The following DOCK4 variants were observed in gnomAD, a reference collection of about 807,000 sequenced individuals.
DOCK4 encodes dedicator of cytokinesis 4, also known as dedicator of cytokinesis protein 4.
Under a neutral mutation model 268.1 loss-of-function variants are expected in DOCK4, and 97 were observed. That is an observed-to-expected ratio of 0.36 (90% CI 0.31 to 0.43). DOCK4 has a LOEUF of 0.43. Among genes scored for constraint, DOCK4 ranks in the 20% least tolerant of loss-of-function variants. The pLI is 1.00. For missense variants in DOCK4, 2,145 were observed against 2,455.7 expected, an observed-to-expected ratio of 0.87 and a Z score of 2.67; for synonymous variants, 954 against 887.2, an observed-to-expected ratio of 1.08 and a Z score of -1.34.
chr7:112,153,571 T>C (rs1446676978), intron 1 of DOCK4, among the ~76,000 whole-genome samples: 1 of 152,196 alleles, frequency 6.6e-6, no homozygotes, highest in Non-Finnish European at 1.5e-5. Flanking sequence ...TTTTCAGCTG[T>C]GTAAAATTTA....
chr7:111,817,815 C>T (rs1801670152), intron 27 of DOCK4, among the ~76,000 whole-genome samples: 1 of 152,166 alleles, frequency 6.6e-6, no homozygotes, highest in African/African-American at 2.4e-5. Flanking sequence ...AGATACAGCC[C>T]TGTTTCTATG....
At chr7:112,136,369 C>T (rs1461755785) in intron 1 of DOCK4, among the ~76,000 whole-genome samples, 2 of 151,916 alleles carry the variant, frequency 1.3e-5, no homozygotes, top group Non-Finnish European at 2.9e-5. Context: ...GCCAGAATTC[C>T]CACTCCCACA....
intron 2 of DOCK4, among the ~76,000 whole-genome samples, chr7:112,001,920 C>G (rs1469051087): frequency 6.6e-6 from 1 of 152,092 alleles, no homozygotes; most frequent in Non-Finnish European, 1.5e-5. Context: ...CAGCACTATC[C>G]TTACATGTCT....
At position 111,814,143 on chromosome 7, in the gene DOCK4, A is replaced by G. The variant is rs558215236; in HGVS notation, c.2931-2194T>C. Among the ~76,000 whole-genome samples the G allele has an allele frequency of 6.8e-4, 103 of 152,304 alleles. 2 individuals are homozygous for G. Among genetic ancestry groups the G allele is most frequent in the African/African-American group, 2.3e-3 (95 of 41,566 alleles). ...TAGACTATCACGCCAAATGTCACAG[A>G]AAGGAGCTAACAAACTCAATCTTCC... On this transcript the variant is annotated intron_variant, in intron 27 of 52. Transcript: ENST00000428084.
chr7:111,983,849 C>CGCGT (rs1798806986), intron 7 of DOCK4, among the ~76,000 whole-genome samples: 1 of 77,022 alleles, frequency 1.3e-5, no homozygotes, highest in African/African-American at 5.5e-5. Context: ...CACACACGCG[C>CGCGT]GCGCGCGCGC....
At chr7:112,099,847 T>C (rs1053848176) in intron 1 of DOCK4, among the ~76,000 whole-genome samples, 3 of 152,164 alleles carry the variant, frequency 2.0e-5, no homozygotes, top group African/African-American at 4.8e-5. Flanking sequence ...ACATTACTAA[T>C]GACATAACTG....
At chr7:112,131,731 T>C (rs1379150430) in intron 1 of DOCK4, among the ~76,000 whole-genome samples, 1 of 152,118 alleles carries the variant, frequency 6.6e-6, no homozygotes, top group African/African-American at 2.4e-5. Context: ...AAAAATCATA[T>C]GGCATAGTCT....
intron 11 of DOCK4, among the ~76,000 whole-genome samples, chr7:111,939,466 G>A (rs983831564): frequency 1.4e-5 from 2 of 143,292 alleles, no homozygotes; most frequent in Non-Finnish European, 3.0e-5. Flanking sequence ...AGTGAGCTGA[G>A]ATCACACCAC....
intron 1 of DOCK4, among the ~76,000 whole-genome samples, chr7:112,108,929 T>A (rs1357153698): frequency 6.6e-6 from 1 of 152,106 alleles, no homozygotes. Flanking sequence ...GACCAGGATG[T>A]AAAGGTGACA....
intron 1 of DOCK4, among the ~76,000 whole-genome samples, chr7:112,099,115 C>A (rs1810428029): frequency 7.0e-6 from 1 of 142,548 alleles, no homozygotes; most frequent in Admixed American, 6.9e-5. Context: ...CATAGTGAAA[C>A]CTCGTCTCTA....
At position 111,739,171 on chromosome 7, in the gene DOCK4, C is replaced by T. The variant is rs1301003074; in HGVS notation, c.5195G>A (p.Cys1732Tyr). 13 of 1,613,870 alleles carry T rather than the reference C, an allele frequency of 8.1e-6. No individual in the cohort carries two copies. The highest frequency in any genetic ancestry group is 1.0e-5 in the Non-Finnish European group (12 of 1,179,884). Residue 1732 changes from cysteine (C) to tyrosine (Y), a missense_variant, in exon 49 of 53, where the codon TGC becomes TAC. Coordinates refer to ENST00000428084, the MANE Select transcript of DOCK4 (RefSeq NM_001363540.2). ...CACAGGTGTTGGATAGATGGCACTG[C>T]ATGGTCTCTCTCTTGGTGACAGGCA... ...NSCLSPRERP[C>Y]SAIYPTPVEP...
At chr7:111,741,501 G>C (rs779843119) in intron 46 of DOCK4, 39 bp downstream of exon 46, 1 of 1,605,836 alleles carries the variant, frequency 6.2e-7, no homozygotes, top group Non-Finnish European at 8.5e-7. Context: ...CAGCTTGCGG[G>C]TGAGGCCAAA....
intron 30 of DOCK4, 136 bp from the exon 31 acceptor site, chr7:111,790,741 A>G: frequency 1.8e-6 from 2 of 1,097,088 alleles, no homozygotes; most frequent in Non-Finnish European, 2.5e-6. Context: ...AAGAAAATAT[A>G]ATAACCCATG....
At chr7:112,163,727 G>C (rs1170770087) in intron 1 of DOCK4, among the ~76,000 whole-genome samples, 1 of 152,026 alleles carries the variant, frequency 6.6e-6, no homozygotes, top group Non-Finnish European at 1.5e-5. Flanking sequence ...AAGAAACTAA[G>C]GCTTAGAGAG....
chr7:112,162,724 A>C (rs1480517573), intron 1 of DOCK4, among the ~76,000 whole-genome samples: 1 of 152,218 alleles, frequency 6.6e-6, no homozygotes, highest in African/African-American at 2.4e-5. Context: ...CACAATGTAC[A>C]AAGTTCATCT....
intron 1 of DOCK4, among the ~76,000 whole-genome samples, chr7:112,152,431 T>C (rs1816178696): frequency 6.6e-6 from 1 of 152,176 alleles, no homozygotes; most frequent in Non-Finnish European, 1.5e-5. Flanking sequence ...GATACAGCTC[T>C]GTGGTGTGAT....
At chr7:111,972,276 G>C (rs1019510767) in intron 8 of DOCK4, among the ~76,000 whole-genome samples, 3 of 151,930 alleles carry the variant, frequency 2.0e-5, no homozygotes, top group Non-Finnish European at 4.4e-5. Context: ...CTGGTGGTGT[G>C]GTTCAGAGGG....
intron 42 of DOCK4, among the ~76,000 whole-genome samples, chr7:111,754,296 T>TTTAAC (rs1796883041): frequency 6.6e-6 from 1 of 152,210 alleles, no homozygotes; most frequent in South Asian, 2.1e-4. Flanking sequence ...AGAGTTCAAT[T>TTTAAC]TTAACTTTTA....
At chr7:112,120,363 T>G (rs1057124880) in intron 1 of DOCK4, among the ~76,000 whole-genome samples, 14 of 152,224 alleles carry the variant, frequency 9.2e-5, no homozygotes, top group Admixed American at 3.3e-4. Context: ...AAAATAATGT[T>G]GTAATGCCAT....
Sources: gnomAD v4.1 joint callset for allele counts (sites outside exome capture counted in the v4.1 genomes callset) on GRCh38, gnomAD v4.1.1 for gene constraint, MANE v1.5 for transcripts, NCBI Gene and HGNC (gene_info 2026-07-23, HGNC 2026-07-21) for gene names.